COA1: variants seen among roughly 807,000 people sequenced by gnomAD.
The protein encoded by COA1 is cytochrome c oxidase assembly factor 1.
COA1 carries 13 observed loss-of-function variants against 16.0 expected under a neutral mutation model. The observed-to-expected ratio is 0.81, with a 90% CI of 0.53 to 1.29. COA1 has a LOEUF of 1.29. Among genes scored for constraint, COA1 ranks in the 50% most tolerant of loss-of-function variants. The pLI is 0.00. For synonymous variants in COA1, 65 were observed against 65.7 expected, an observed-to-expected ratio of 0.99 and a Z score of 0.05; for missense variants, 179 against 177.0, an observed-to-expected ratio of 1.01 and a Z score of -0.06.
chr7:43,669,939 G>T (rs1469417620), intron 1 of COA1, among the ~76,000 whole-genome samples: 1 of 152,216 alleles, frequency 6.6e-6, no homozygotes, highest in African/African-American at 2.4e-5. Context: ...TTACTTGAGT[G>T]AGGAAGGAAA....
intron 1 of COA1, among the ~76,000 whole-genome samples, chr7:43,692,056 G>C (rs1313413441): frequency 6.6e-6 from 1 of 152,172 alleles, no homozygotes; most frequent in Non-Finnish European, 1.5e-5. Context: ...GTGGCCCCCA[G>C]CTTAGTATGG....
intron 4 of COA1, among the ~76,000 whole-genome samples, chr7:43,643,693 C>T (rs781192942): frequency 1.5e-4 from 23 of 152,194 alleles, no homozygotes; most frequent in Admixed American, 3.3e-4. Flanking sequence ...CTTCTCCAGG[C>T]CACACCTCTG....
At chr7:43,706,861 C>T (rs921735937) in intron 1 of COA1, among the ~76,000 whole-genome samples, 2 of 148,236 alleles carry the variant, frequency 1.3e-5, no homozygotes, top group Admixed American at 6.7e-5. Flanking sequence ...CAGAGAAAGA[C>T]CTTGTCTCAA....
intron 6 of COA1, among the ~76,000 whole-genome samples, chr7:43,624,273 G>A (rs2084249936): frequency 6.6e-6 from 1 of 152,080 alleles, no homozygotes; most frequent in Non-Finnish European, 1.5e-5. Flanking sequence ...TCTGTTCTTG[G>A]TGTCTCTCAA....
At chr7:43,633,224 C>T (rs2085342924) in intron 6 of COA1, 1 of 152,250 alleles carries the variant, frequency 6.6e-6, no homozygotes, top group Admixed American at 6.5e-5. Context: ...ACAGCTTCTC[C>T]ATCAGCACTT....
At chr7:43,663,784 T>C (rs1392800286) in intron 1 of COA1, among the ~76,000 whole-genome samples, 1 of 151,944 alleles carries the variant, frequency 6.6e-6, no homozygotes, top group South Asian at 2.1e-4. Flanking sequence ...TAATATCTTC[T>C]ATGAATTTTA....
intron 1 of COA1, among the ~76,000 whole-genome samples, chr7:43,662,823 CA>C (rs2092571389): frequency 6.6e-6 from 1 of 152,080 alleles, no homozygotes; most frequent in African/African-American, 2.4e-5. Flanking sequence ...GCCCTGACGC[CA>C]AAATATTTGA....
At chr7:43,674,078 C>A (rs192960054) in intron 1 of COA1, among the ~76,000 whole-genome samples, 366 of 152,222 alleles carry the variant, frequency 2.4e-3, no homozygotes, top group African/African-American at 8.5e-3. Context: ...GCAAAATAAT[C>A]TGTACATCCA....
At chr7:43,610,188 T>A (rs2082724847) in intron 6 of COA1, among the ~76,000 whole-genome samples, 1 of 149,528 alleles carries the variant, frequency 6.7e-6, no homozygotes, top group African/African-American at 2.5e-5. Flanking sequence ...GTAGTAAAAA[T>A]ACAAAAAAAT....
chr7:43,698,239 T>C (rs779431068), intron 1 of COA1, among the ~76,000 whole-genome samples: 5 of 152,212 alleles, frequency 3.3e-5, no homozygotes, highest in Non-Finnish European at 7.3e-5. Context: ...GAAAGGTTAA[T>C]TTCAGTGATA....
At chr7:43,672,925 C>T (rs1436532736) in intron 1 of COA1, among the ~76,000 whole-genome samples, 1 of 152,124 alleles carries the variant, frequency 6.6e-6, no homozygotes, top group Admixed American at 6.5e-5. Context: ...GAAAGGACTC[C>T]CTGTTCAATT....
intron 4 of COA1, among the ~76,000 whole-genome samples, chr7:43,642,900 A>T (rs903577816): frequency 2.3e-4 from 35 of 152,248 alleles, no homozygotes; most frequent in Non-Finnish European, 3.4e-4. Context: ...AATTTGGGAT[A>T]AGAGGGCATA....
intron 6 of COA1, chr7:43,624,821 T>A (rs1484468528): frequency 1.9e-6 from 3 of 1,601,918 alleles, no homozygotes. Flanking sequence ...TACAAGAAAT[T>A]CCAGGAGAAT....
In COA1 at chr7:43,639,467, T is replaced by C. The variant is rs1456455766; in HGVS notation, c.*115A>G. 19 of 769,412 alleles carry C rather than the reference T, an allele frequency of 2.5e-5. No homozygotes were observed. Among genetic ancestry groups the C allele is most frequent in the Non-Finnish European group, 2.7e-5 (12 of 447,238 alleles). The allele number at this position is 769,412 out of a possible 1,614,324, so 47.7% of individuals were successfully genotyped here. On this transcript the variant is annotated 3_prime_UTR_variant, in exon 6 of 6. Transcript: ENST00000223336. Reference sequence around the variant, plus strand: ...CACATACCATCATCCCACTGGTGGCTGGAAAACTGGGTTGCAGGAGTGTCT... The same window carrying C: ...CACATACCATCATCCCACTGGTGGCCGGAAAACTGGGTTGCAGGAGTGTCT...
At chr7:43,712,899 T>C (rs1585367689) in intron 1 of COA1, among the ~76,000 whole-genome samples, 2 of 152,154 alleles carry the variant, frequency 1.3e-5, no homozygotes, top group East Asian at 1.9e-4. Flanking sequence ...TGTCATTACA[T>C]ATATTTGAGG....
intron 1 of COA1, among the ~76,000 whole-genome samples, chr7:43,701,583 G>A (rs935412817): frequency 2.6e-5 from 4 of 152,188 alleles, no homozygotes; most frequent in African/African-American, 9.7e-5. Context: ...ACAAATGTAT[G>A]TGTCTTCTTG....
At chr7:43,673,079 G>A (rs2093349949) in intron 1 of COA1, among the ~76,000 whole-genome samples, 1 of 152,178 alleles carries the variant, frequency 6.6e-6, no homozygotes, top group South Asian at 2.1e-4. Context: ...AGATAACCTA[G>A]GAAATACATT....
chr7:43,712,190 G>GGA (rs1563456412), intron 1 of COA1, among the ~76,000 whole-genome samples: 1 of 151,898 alleles, frequency 6.6e-6, no homozygotes, highest in African/African-American at 2.4e-5. Flanking sequence ...TCGGCTCACT[G>GGA]CAACCTCCAC....
chr7:43,644,137 G>A (rs945123927), intron 4 of COA1, among the ~76,000 whole-genome samples: 18 of 152,234 alleles, frequency 1.2e-4, no homozygotes, highest in African/African-American at 3.4e-4. Context: ...CTCCTCAGCC[G>A]GGTGTTCCTC....
Sources: allele counts gnomAD v4.1 joint callset (sites outside exome capture counted in the v4.1 genomes callset), GRCh38; gene constraint gnomAD v4.1.1; transcripts MANE v1.5; gene names NCBI Gene and HGNC (gene_info 2026-07-23, HGNC 2026-07-21).